Variants in LRP2 observed in about 807,000 individuals in gnomAD.
LRP2 encodes the protein LDL receptor related protein 2, also known as low-density lipoprotein receptor-related protein 2.
Under a neutral mutation model 531.0 loss-of-function variants are expected in LRP2, and 172 were observed. That is an observed-to-expected ratio of 0.32 (90% CI 0.29 to 0.37). The LOEUF is 0.37. Ranked by LOEUF, LRP2 falls within the 10% of genes least tolerant of loss-of-function variation. The pLI, the probability that LRP2 is intolerant of heterozygous loss-of-function variation, is 1.00. For missense variants in LRP2, 5,167 were observed against 5,868.3 expected (o/e 0.88, Z 3.90); for synonymous variants, 1,992 against 2,027.6 (o/e 0.98, Z 0.47).
rs568157000 is a variant in LRP2 at position 169,332,514 on chromosome 2, G to A, written c.80-11630C>T. 7.2e-5 allele frequency among the ~76,000 whole-genome samples: 11 copies of A among 152,252 alleles called. No homozygotes were observed. The South Asian group carries it at 2.3e-3, about 32-fold the overall frequency. ...CCTAGCATCTTGCATCCTAGCCTTG[G>A]TTTAAATGACACCTGGCATCTTGCA... On this transcript the variant is annotated intron_variant, in intron 1 of 78. Coordinates refer to ENST00000649046, the MANE Select transcript of LRP2 (RefSeq NM_004525.3).
At chr2:169,344,919 G>C (rs1373935885) in intron 1 of LRP2, among the ~76,000 whole-genome samples, 1 of 152,152 alleles carries the variant, frequency 6.6e-6, no homozygotes, top group Non-Finnish European at 1.5e-5. Context: ...TTAAGAGCAA[G>C]AGTGGCAGGC....
chr2:169,181,699 A>G lies in LRP2; in HGVS notation c.9999-81T>C, dbSNP rs897964023. 2.4e-6 allele frequency: 3 copies of G among 1,261,502 alleles called. No individual in the cohort carries two copies. The African/African-American group carries it at 4.4e-5, about 19-fold the overall frequency. The allele number at this position is 1,261,502 out of a possible 1,614,324, so 78.1% of individuals were successfully genotyped here. ...AAATACACACCTTTTCTCCATTTAG[A>G]GAAATGGAGTCTGCATTCTGTAGAG... On this transcript the variant is annotated intron_variant, in intron 51 of 78. Coordinates refer to ENST00000649046, the MANE Select transcript of LRP2 (RefSeq NM_004525.3).
intron 1 of LRP2, among the ~76,000 whole-genome samples, chr2:169,352,864 G>A (rs1244266702): frequency 1.3e-5 from 2 of 151,672 alleles, no homozygotes; most frequent in African/African-American, 4.9e-5. Flanking sequence ...ACACACCGGG[G>A]CCTGTCAGGG....
intron 1 of LRP2, among the ~76,000 whole-genome samples, chr2:169,351,048 G>T (rs1685833560): frequency 6.6e-6 from 1 of 152,158 alleles, no homozygotes; most frequent in African/African-American, 2.4e-5. Context: ...GAGATACCAA[G>T]GGTAGGCCAG....
chr2:169,296,135 C>A (rs549592121), intron 4 of LRP2, among the ~76,000 whole-genome samples: 1 of 152,186 alleles, frequency 6.6e-6, no homozygotes, highest in South Asian at 2.1e-4. Flanking sequence ...AAAAAATGGA[C>A]TCTCCAATGA....
At chr2:169,348,386 C>T (rs1574279429) in intron 1 of LRP2, among the ~76,000 whole-genome samples, 1 of 152,150 alleles carries the variant, frequency 6.6e-6, no homozygotes, top group South Asian at 2.1e-4. Context: ...GGGCCCTCTT[C>T]GTCTGTGCCC....
chr2:169,240,100 A>G (rs1484259719), intron 25 of LRP2, among the ~76,000 whole-genome samples: 1 of 139,364 alleles, frequency 7.2e-6, no homozygotes, highest in Non-Finnish European at 1.6e-5. Context: ...TTGATAGAGC[A>G]TGCAAAGACA....
intron 37 of LRP2, 33 bp downstream of exon 37, chr2:169,211,935 A>G (rs778739040): frequency 1.9e-6 from 3 of 1,613,542 alleles, no homozygotes; most frequent in Non-Finnish European, 1.7e-6. Context: ...TGCCAGATGA[A>G]GTCAAATCTT....
In LRP2 at chr2:169,138,694, GA is replaced by G. The variant is rs1553484709; in HGVS notation, c.13400del (p.Leu4467ProfsTer11). The G allele has an allele frequency of 1.2e-6, 2 of 1,613,840 alleles. No individual in the cohort carries two copies. Among genetic ancestry groups the G allele is most frequent in the Non-Finnish European group, 1.7e-6 (2 of 1,179,916 alleles). On this transcript the variant is annotated frameshift_variant, in exon 75 of 79. Transcript: ENST00000649046. LOFTEE classifies it high-confidence loss of function. ...ALPKLPSLSS[L>X]VKPSENGNGV... is the part of the protein sequence containing the mutation. ...CATTCCCATTTTCAGAGGGCTTGACGAGACTGCTTAAGCTGGAAAGAAGTAA... is the reference window on the plus strand; with the variant it reads ...CATTCCCATTTTCAGAGGGCTTGACGGACTGCTTAAGCTGGAAAGAAGTAA...
chr2:169,176,695 A>G, intron 53 of LRP2, 107 bp from the exon 54 acceptor site: 1 of 951,022 alleles, frequency 1.1e-6, no homozygotes, highest in Non-Finnish European at 1.7e-6. Flanking sequence ...CTTAGTAAAA[A>G]AAAAACTATC....
At chr2:169,352,205 T>C (rs946763272) in intron 1 of LRP2, among the ~76,000 whole-genome samples, 9 of 151,968 alleles carry the variant, frequency 5.9e-5, no homozygotes, top group African/African-American at 2.2e-4. Flanking sequence ...CTTAGGAGGG[T>C]CTGGGGGGAA....
chr2:169,226,422 T>C lies in LRP2; in HGVS notation c.5394A>G (p.Pro1798=), dbSNP rs2105361451. ...ACTTTGAATGTTATTCAAAACTTAC[T>C]GGATTTTCAACCCAATAGATGTATT... ...AEQYIYWVEN[P]GEIHRVKTDG... Residue 1798 remains proline (P), a splice_region_variant and synonymous_variant, in exon 32 of 79, where the codon CCA becomes CCG. Coordinates refer to ENST00000649046, the MANE Select transcript of LRP2 (RefSeq NM_004525.3). 1 of 1,612,044 alleles carries C rather than the reference T, an allele frequency of 6.2e-7. No individual in the cohort carries two copies. The highest frequency in any genetic ancestry group is 2.2e-5 in the East Asian group (1 of 44,852).
intron 63 of LRP2, among the ~76,000 whole-genome samples, chr2:169,159,188 C>T (rs1466649144): frequency 6.6e-6 from 1 of 152,158 alleles, no homozygotes; most frequent in Non-Finnish European, 1.5e-5. Flanking sequence ...TCATCTACCT[C>T]TCAAATAAAA....
intron 49 of LRP2, among the ~76,000 whole-genome samples, chr2:169,187,719 A>G (rs1055703833): frequency 6.6e-6 from 1 of 152,194 alleles, no homozygotes; most frequent in Non-Finnish European, 1.5e-5. Flanking sequence ...AATAATGTTA[A>G]ATGATGGCCT....
At position 169,257,129 on chromosome 2, in the gene LRP2, A is replaced by G. The variant is rs776426915; in HGVS notation, c.2634T>C (p.Asp878=). The change falls in exon 18 of 79, where the codon GAT becomes GAC. Residue 878 remains aspartate, a synonymous_variant. Transcript: ENST00000649046. ...GGATGATGATTCCTACTTACGCCCA[A>G]TCGATGGCCAAGCCATTGGGCCATC... The part of the protein sequence containing the change: ...TLGWPNGLAI[D]WAASRLYWVD... 1.2e-4 allele frequency: 191 copies of G among 1,612,556 alleles called. No individual in the cohort carries two copies. Among genetic ancestry groups the G allele is most frequent in the Middle Eastern group, 6.6e-4 (4 of 6,068 alleles).
intron 1 of LRP2, among the ~76,000 whole-genome samples, chr2:169,354,305 A>C (rs1011008835): frequency 6.6e-6 from 1 of 152,204 alleles, no homozygotes; most frequent in African/African-American, 2.4e-5. Context: ...AGGAATCTTC[A>C]TGTGTTATTC....
intron 65 of LRP2, 73 bp from the exon 66 acceptor site, chr2:169,154,676 C>G: frequency 1.5e-6 from 2 of 1,290,706 alleles, no homozygotes; most frequent in Non-Finnish European, 2.3e-6. Context: ...ATAAAATGCA[C>G]AGTATGTACC....
At position 169,170,931 on chromosome 2, in the gene LRP2, T is replaced by TTTTG. The variant is rs1686978976; in HGVS notation, c.11264-265_11264-264insCAAA. 1.1e-4 allele frequency among the ~76,000 whole-genome samples: 16 copies of TTTTG among 146,980 alleles called. No individual in the cohort carries two copies. In the South Asian group the frequency reaches 3.6e-3, roughly 33 times the overall value. On this transcript the variant is annotated intron_variant, in intron 58 of 78. Transcript: ENST00000649046. ...TTGCTCTCTCTCTCTGTTTTTTTTT[T>TTTTG]TTTTTTTTTTTTTGAAACAGGATCT... is the stretch of plus-strand genomic sequence containing the variant.
chr2:169,302,405 C>T (rs557928892), intron 4 of LRP2, among the ~76,000 whole-genome samples: 1 of 152,198 alleles, frequency 6.6e-6, no homozygotes, highest in Non-Finnish European at 1.5e-5. Context: ...CAAGAAAATC[C>T]TTGCACCTGT....
Sources: gnomAD v4.1 joint callset for allele counts (sites outside exome capture counted in the v4.1 genomes callset) on GRCh38, gnomAD v4.1.1 for gene constraint, MANE v1.5 for transcripts, NCBI Gene and HGNC (gene_info 2026-07-23, HGNC 2026-07-21) for gene names.